AP3B1: variants seen among roughly 807,000 people sequenced by gnomAD.
AP3B1 encodes AP-3 complex subunit beta-1.
In AP3B1, 61 loss-of-function variants were observed where a neutral mutation model predicts 132.5. The observed-to-expected ratio is 0.46, with a 90% CI of 0.37 to 0.57. AP3B1 has a LOEUF of 0.57. Ranked by LOEUF, AP3B1 falls within the 20% of genes least tolerant of loss-of-function variation. The pLI, the probability that AP3B1 is intolerant of heterozygous loss-of-function variation, is 0.00. For synonymous variants in AP3B1, 388 were observed against 438.3 expected (o/e 0.89, Z 1.43); for missense variants, 1,120 against 1,289.4 (o/e 0.87, Z 2.01).
chr5:78,203,762 T>C (rs1561475324), intron 7 of AP3B1, among the ~76,000 whole-genome samples: 1 of 152,190 alleles, frequency 6.6e-6, no homozygotes, highest in Non-Finnish European at 1.5e-5. Flanking sequence ...CTTAAGTCTC[T>C]TGAGCTCTGT....
chr5:78,155,624 T>C (rs978320814), intron 14 of AP3B1, among the ~76,000 whole-genome samples: 7 of 152,026 alleles, frequency 4.6e-5, no homozygotes, highest in African/African-American at 1.7e-4. Flanking sequence ...AAGTGAAAGA[T>C]GCCAGAAACA....
chr5:78,203,315 A>C (rs1745372382), intron 7 of AP3B1, among the ~76,000 whole-genome samples: 2 of 152,192 alleles, frequency 1.3e-5, no homozygotes, highest in African/African-American at 4.8e-5. Context: ...GGAAACTTAC[A>C]ATCATGGAGG....
chr5:78,207,183 G>A (rs541809511), intron 7 of AP3B1, among the ~76,000 whole-genome samples: 7 of 151,644 alleles, frequency 4.6e-5, no homozygotes, highest in Admixed American at 1.3e-4. Flanking sequence ...ATTTGCATCC[G>A]GGAGGCGGAG....
intron 7 of AP3B1, among the ~76,000 whole-genome samples, chr5:78,187,268 C>T (rs981516552): frequency 1.3e-5 from 2 of 152,116 alleles, no homozygotes; most frequent in African/African-American, 4.8e-5. Flanking sequence ...AGCATAAGCA[C>T]TCACTTACAA....
chr5:78,160,461 G>C (rs1743343438), intron 13 of AP3B1, among the ~76,000 whole-genome samples: 2 of 152,004 alleles, frequency 1.3e-5, no homozygotes, highest in South Asian at 4.1e-4. Context: ...GTAATAATAG[G>C]CTGTTTTAGG....
chr5:78,086,658 T>C (rs1476974870), intron 22 of AP3B1, among the ~76,000 whole-genome samples: 1 of 152,150 alleles, frequency 6.6e-6, no homozygotes, highest in Non-Finnish European at 1.5e-5. Flanking sequence ...GAATGCTAGA[T>C]GTTCGTAGTA....
rs111464845 is a variant in AP3B1 at position 78,123,200 on chromosome 5, G to A, written c.1968+4830C>T. 1.4e-3 allele frequency among the ~76,000 whole-genome samples: 219 copies of A among 152,310 alleles called. 1 individual carries two copies. The highest frequency in any genetic ancestry group is 2.6e-3 in the Non-Finnish European group (180 of 68,030). On this transcript the variant is annotated intron_variant, in intron 17 of 26. Coordinates refer to ENST00000255194, the MANE Select transcript of AP3B1 (RefSeq NM_003664.5). Reference sequence around the variant, plus strand: ...ACACCTTATACAAAAATTAATTCAAGATGGATTAAAGACTTAAATGTTAGA... The same window carrying A: ...ACACCTTATACAAAAATTAATTCAAAATGGATTAAAGACTTAAATGTTAGA...
intron 8 of AP3B1, among the ~76,000 whole-genome samples, chr5:78,179,868 G>A (rs1022884554): frequency 5.3e-5 from 8 of 152,060 alleles, no homozygotes; most frequent in East Asian, 3.8e-4. Context: ...AAAATACACT[G>A]ACACAAAAAG....
At chr5:78,163,760 C>G (rs759098063) in intron 12 of AP3B1, among the ~76,000 whole-genome samples, 23 of 150,608 alleles carry the variant, frequency 1.5e-4, no homozygotes, top group Non-Finnish European at 3.0e-4. Context: ...TTATAATGGC[C>G]CTAGAGAATT....
At position 78,034,570 on chromosome 5, in the gene AP3B1, A is replaced by C. The variant is rs532571023; in HGVS notation, c.2810-125T>G. On this transcript the variant is annotated intron_variant, in intron 23 of 26. Transcript: ENST00000255194. ...CTGTGAAATGTAATGATGGCTTAAA[A>C]ATTTCAAACTAAGAATATTAAAGCA... 5 of 737,716 alleles carry C rather than the reference A, an allele frequency of 6.8e-6. No homozygotes were observed. In the East Asian group the frequency reaches 1.3e-4, roughly 19 times the overall value. The allele number at this position is 737,716 out of a possible 1,614,324, so 45.7% of individuals were successfully genotyped here.
chr5:78,097,455 C>T (rs1460429946), intron 21 of AP3B1, among the ~76,000 whole-genome samples: 10 of 129,696 alleles, frequency 7.7e-5, no homozygotes, highest in African/African-American at 2.9e-4. Flanking sequence ...GCCGCCCCTA[C>T]TGGGAAGTGA....
At chr5:78,292,643 T>G (rs56102400) in intron 1 of AP3B1, among the ~76,000 whole-genome samples, 34,390 of 152,008 alleles carry the variant, frequency 0.23, 4,070 homozygotes, top group Admixed American at 0.28. Context: ...TTAGGAAAAC[T>G]GAATGAGATA....
intron 7 of AP3B1, among the ~76,000 whole-genome samples, chr5:78,211,803 G>C (rs1745749024): frequency 6.6e-6 from 1 of 152,082 alleles, no homozygotes; most frequent in African/African-American, 2.4e-5. Flanking sequence ...CAAGTCACAG[G>C]GTAACAAAAT....
chr5:78,249,579 C>CTTTTTTTTTTTTT (rs71301504), intron 2 of AP3B1, among the ~76,000 whole-genome samples: 5 of 105,074 alleles, frequency 4.8e-5, no homozygotes, highest in Non-Finnish European at 7.7e-5. Flanking sequence ...TTTTCTTTTT[C>CTTTTTTTTTTTTT]TTTTTTTTTT....
chr5:78,060,739 T>C (rs1266746431), intron 22 of AP3B1, among the ~76,000 whole-genome samples: 2 of 151,958 alleles, frequency 1.3e-5, no homozygotes, highest in East Asian at 3.8e-4. Flanking sequence ...AGACATTCCA[T>C]CCATGCTTAT....
chr5:78,143,043 A>G (rs1464395379), intron 14 of AP3B1, among the ~76,000 whole-genome samples: 1 of 152,152 alleles, frequency 6.6e-6, no homozygotes, highest in Non-Finnish European at 1.5e-5. Context: ...AGTTCTAAAT[A>G]AGAATATATG....
chr5:78,123,458 G>T (rs1223757632), intron 17 of AP3B1, among the ~76,000 whole-genome samples: 4 of 151,770 alleles, frequency 2.6e-5, no homozygotes, highest in Non-Finnish European at 5.9e-5. Flanking sequence ...TCTGACAAAG[G>T]GCTAATATCC....
chr5:78,120,805 A>C (rs961122673), intron 17 of AP3B1, among the ~76,000 whole-genome samples: 1 of 152,202 alleles, frequency 6.6e-6, no homozygotes, highest in Non-Finnish European at 1.5e-5. Context: ...TTTAACAAGG[A>C]TACCCAGTAA....
At chr5:78,134,165 A>G (rs1752808308) in intron 15 of AP3B1, among the ~76,000 whole-genome samples, 1 of 151,562 alleles carries the variant, frequency 6.6e-6, no homozygotes, top group Non-Finnish European at 1.5e-5. Context: ...AAAAAAAAAA[A>G]AGAAATACAT....
Sources: allele counts gnomAD v4.1 joint callset (sites outside exome capture counted in the v4.1 genomes callset), GRCh38; gene constraint gnomAD v4.1.1; transcripts MANE v1.5; gene names NCBI Gene and HGNC (gene_info 2026-07-23, HGNC 2026-07-21).